The following GPR160 variants were observed in gnomAD, a reference collection of about 807,000 sequenced individuals.
GPR160 encodes the protein probable G protein-coupled receptor 160.
GPR160 carries 2 observed loss-of-function variants against 2.6 expected under a neutral mutation model. The observed-to-expected ratio is 0.77, with a 90% confidence interval of 0.32 to 2.44. The LOEUF is 2.44. Ranked by LOEUF, GPR160 falls within the 30% of genes most tolerant of loss-of-function variation. The pLI is 0.11. For synonymous variants in GPR160, 130 were observed against 132.2 expected, an observed-to-expected ratio of 0.98 and a Z score of 0.12; for missense variants, 351 against 383.6, an observed-to-expected ratio of 0.91 and a Z score of 0.71.
In GPR160 at chr3:170,044,470, T is replaced by C. The variant is rs571778476; in HGVS notation, c.-193+5427T>C. The stretch of plus-strand genomic sequence containing the variant: ...TCTCCCATGCTGCCTATTTTCTCAC[T>C]TATAAGGAACTTGTTCGCTACCCCC... On this transcript the variant is annotated intron_variant, in intron 2 of 3. Coordinates refer to ENST00000355897, the MANE Select transcript of GPR160 (RefSeq NM_014373.3). Among the ~76,000 whole-genome samples the C allele has an allele frequency of 4.6e-5, 7 of 152,250 alleles. No homozygotes were observed. The South Asian group carries it at 1.2e-3, about 27-fold the overall frequency.
intron 2 of GPR160, among the ~76,000 whole-genome samples, chr3:170,074,113 T>G (rs1404676096): frequency 6.6e-6 from 1 of 152,112 alleles, no homozygotes; most frequent in African/African-American, 2.4e-5. Context: ...GGGCTTGAAC[T>G]CCTGACCTTA....
intron 3 of GPR160, among the ~76,000 whole-genome samples, chr3:170,080,847 C>CCCA (rs1290409650): frequency 6.6e-6 from 1 of 152,036 alleles, no homozygotes; most frequent in Non-Finnish European, 1.5e-5. Context: ...ACTATAGGCC[C>CCCA]CCACCACCAC....
rs1559996471 is a variant in GPR160 at position 170,085,164 on chromosome 3, T to G, written c.*175T>G. 7 of 410,698 alleles carry G rather than the reference T, an allele frequency of 1.7e-5. No homozygotes were observed. Among genetic ancestry groups the G allele is most frequent in the Non-Finnish European group, 2.7e-5 (6 of 225,000 alleles). The allele number at this position is 410,698 out of a possible 1,614,324, so 25.4% of individuals were successfully genotyped here. On this transcript the variant is annotated 3_prime_UTR_variant, in exon 4 of 4. Transcript: ENST00000355897. ...CCAGTTATTAAATAGTGTTTTATTT[T>G]AAAAACAAAATAATTCCAAGAAGTT...
intron 2 of GPR160, among the ~76,000 whole-genome samples, chr3:170,074,276 C>A (rs868260023): frequency 6.6e-6 from 1 of 152,060 alleles, no homozygotes; most frequent in Admixed American, 6.6e-5. Context: ...ACAAATTTAT[C>A]GAAATAAAGT....
At chr3:170,067,890 T>C (rs1045581388) in intron 2 of GPR160, among the ~76,000 whole-genome samples, 1 of 152,214 alleles carries the variant, frequency 6.6e-6, no homozygotes, top group Non-Finnish European at 1.5e-5. Flanking sequence ...GCTAATTGCA[T>C]GCTCATGATT....
At chr3:170,058,228 G>T (rs1711739794) in intron 2 of GPR160, among the ~76,000 whole-genome samples, 3 of 152,222 alleles carry the variant, frequency 2.0e-5, no homozygotes, top group Non-Finnish European at 2.9e-5. Flanking sequence ...TCGTGTAGCA[G>T]GCCTGGGTGG....
chr3:170,070,344 A>G (rs1158283018), intron 2 of GPR160, among the ~76,000 whole-genome samples: 1 of 152,230 alleles, frequency 6.6e-6, no homozygotes, highest in Non-Finnish European at 1.5e-5. Flanking sequence ...TTTCTTGAAC[A>G]TCAGTAGTTG....
intron 2 of GPR160, among the ~76,000 whole-genome samples, chr3:170,069,335 A>T (rs1330661231): frequency 6.6e-6 from 1 of 152,170 alleles, no homozygotes; most frequent in Non-Finnish European, 1.5e-5. Flanking sequence ...GAGGGTCCTG[A>T]GGTATAAATT....
intron 2 of GPR160, among the ~76,000 whole-genome samples, chr3:170,054,111 G>GTGTC (rs1479700363): frequency 4.0e-5 from 6 of 151,636 alleles, no homozygotes; most frequent in African/African-American, 1.5e-4. Context: ...GTGTGTGTGT[G>GTGTC]TGTATGTGTG....
chr3:170,047,878 C>T (rs1054063256), intron 2 of GPR160, among the ~76,000 whole-genome samples: 1 of 145,948 alleles, frequency 6.9e-6, no homozygotes, highest in African/African-American at 2.6e-5. Flanking sequence ...TGCTCAGTCA[C>T]CCAAGCTGGA....
intron 2 of GPR160, among the ~76,000 whole-genome samples, chr3:170,046,797 C>G (rs988182974): frequency 4.6e-5 from 7 of 152,078 alleles, no homozygotes; most frequent in Admixed American, 2.0e-4. Context: ...CCTTTGGCTG[C>G]CTGTTTCAGG....
chr3:170,072,917 C>T (rs1712673209), intron 2 of GPR160, among the ~76,000 whole-genome samples: 1 of 152,192 alleles, frequency 6.6e-6, no homozygotes, highest in Admixed American at 6.5e-5. Context: ...CATGGTAGCT[C>T]ATGCTTGTAA....
chr3:170,061,969 G>A (rs142602209), intron 2 of GPR160, among the ~76,000 whole-genome samples: 229 of 151,684 alleles, frequency 1.5e-3, no homozygotes, highest in East Asian at 8.1e-3. Flanking sequence ...GGCAACATAG[G>A]GAGACCCCAT....
chr3:170,049,054 C>T (rs1003358614), intron 2 of GPR160, among the ~76,000 whole-genome samples: 10 of 152,168 alleles, frequency 6.6e-5, no homozygotes, highest in African/African-American at 2.4e-4. Flanking sequence ...CTGGGATGTA[C>T]CACTGTGTCT....
chr3:170,050,754 G>A (rs1366627686), intron 2 of GPR160, among the ~76,000 whole-genome samples: 1 of 152,108 alleles, frequency 6.6e-6, no homozygotes, highest in Non-Finnish European at 1.5e-5. Flanking sequence ...CATTTTTGAG[G>A]TTCATCCATG....
At chr3:170,074,632 C>T (rs1311403409) in intron 2 of GPR160, among the ~76,000 whole-genome samples, 1 of 152,012 alleles carries the variant, frequency 6.6e-6, no homozygotes, top group Admixed American at 6.6e-5. Context: ...CAGGTGCCCA[C>T]CACCACACCC....
intron 2 of GPR160, among the ~76,000 whole-genome samples, chr3:170,074,313 A>C (rs994199402): frequency 2.0e-5 from 3 of 152,092 alleles, no homozygotes; most frequent in Admixed American, 2.0e-4. Context: ...TTATTCTTTT[A>C]ATGTTTCTAG....
chr3:170,081,457 C>T (rs1713123243), intron 3 of GPR160, among the ~76,000 whole-genome samples: 1 of 152,140 alleles, frequency 6.6e-6, no homozygotes, highest in Admixed American at 6.5e-5. Flanking sequence ...ATTGCCTTTA[C>T]ACATATATAC....
intron 2 of GPR160, among the ~76,000 whole-genome samples, chr3:170,046,195 T>G (rs1366799005): frequency 2.0e-5 from 3 of 152,206 alleles, no homozygotes; most frequent in African/African-American, 7.2e-5. Flanking sequence ...GGTTCCCACA[T>G]GGCCTTAGGG....
Sources: gnomAD v4.1 joint callset for allele counts (sites outside exome capture counted in the v4.1 genomes callset) on GRCh38, gnomAD v4.1.1 for gene constraint, MANE v1.5 for transcripts, NCBI Gene and HGNC (gene_info 2026-07-23, HGNC 2026-07-21) for gene names.